SLC22A24: variants seen among roughly 807,000 people sequenced by gnomAD.
SLC22A24 encodes the protein solute carrier family 22 member 24, also known as steroid transmembrane transporter SLC22A24.
A neutral mutation model predicts 49.8 loss-of-function variants in SLC22A24; 53 were observed. The observed-to-expected ratio is 1.06, with a 90% CI of 0.85 to 1.34. The LOEUF is 1.34. SLC22A24 is among the 40% of genes most tolerant of loss of function. SLC22A24 has a pLI of 0.00. For missense variants in SLC22A24, 786 were observed against 675.9 expected (o/e 1.16, Z -1.81); for synonymous variants, 302 against 256.4 (o/e 1.18, Z -1.70).
At chr11:63,110,311 G>T (rs1181347746) in intron 4 of SLC22A24, among the ~76,000 whole-genome samples, 1 of 152,186 alleles carries the variant, frequency 6.6e-6, no homozygotes, top group Non-Finnish European at 1.5e-5. Context: ...TTTTGGCTTA[G>T]GATTTATTTG....
intron 7 of SLC22A24, among the ~76,000 whole-genome samples, chr11:63,082,490 T>A (rs1452184578): frequency 6.6e-6 from 1 of 152,158 alleles, no homozygotes; most frequent in Non-Finnish European, 1.5e-5. Context: ...CTCTGGGAGA[T>A]GAGTGGAATA....
At chr11:63,129,023 T>G (rs928033730) in intron 2 of SLC22A24, among the ~76,000 whole-genome samples, 2 of 152,226 alleles carry the variant, frequency 1.3e-5, no homozygotes, top group African/African-American at 4.8e-5. Flanking sequence ...TGCCATTGTT[T>G]TGGTGTTTTA....
At chr11:63,083,056 G>A (rs2086968357) in intron 7 of SLC22A24, among the ~76,000 whole-genome samples, 187 bp downstream of exon 7, 1 of 143,974 alleles carries the variant, frequency 6.9e-6, no homozygotes, top group East Asian at 1.9e-4. Context: ...GACATTGATT[G>A]AGTAAGAGCC....
In SLC22A24 at chr11:63,143,580, A is replaced by C; in HGVS notation, c.200T>G (p.Leu67Arg). 1 of 1,569,220 alleles carries C rather than the reference A, an allele frequency of 6.4e-7. No homozygotes were observed. The highest frequency in any genetic ancestry group is 8.6e-7 in the Non-Finnish European group (1 of 1,158,902). ...DTVSDNDTGT[L>R]SKDDLLRISI... ...GATTCTCAGGAGGTCATCCTTGCTG[A>C]GGGTCCCGGTATCATTGTCAGACAC... is the stretch of plus-strand genomic sequence containing the variant. The change falls in exon 1 of 10, where the codon CTC becomes CGC. Residue 67 changes from leucine to arginine, a missense_variant. By Grantham distance (102) the Leu-to-Arg change is moderately radical. Coordinates refer to ENST00000612278, the MANE Select transcript of SLC22A24 (RefSeq NM_001136506.2).
chr11:63,121,501 T>G (rs1307652493), intron 2 of SLC22A24, among the ~76,000 whole-genome samples: 2 of 115,932 alleles, frequency 1.7e-5, no homozygotes, highest in African/African-American at 5.8e-5. Context: ...AAACTAGAGG[T>G]AGATCTCAAA....
chr11:63,139,858 C>G (rs899015690), intron 1 of SLC22A24, among the ~76,000 whole-genome samples: 5 of 152,074 alleles, frequency 3.3e-5, no homozygotes, highest in Non-Finnish European at 5.9e-5. Flanking sequence ...AATTAAGAAA[C>G]TGGCAAATGA....
At position 63,094,789 on chromosome 11, in the gene SLC22A24, G is replaced by A. The variant is rs2087042844; in HGVS notation, c.1070+1202C>T. 2.0e-5 allele frequency among the ~76,000 whole-genome samples: 3 copies of A among 152,184 alleles called. 1 individual carries two copies. The highest frequency in any genetic ancestry group is 7.2e-5 in the African/African-American group (3 of 41,432). ...CTGCATAAATGTCTTCTTTTGAGAAGTGTCTGTTCATATCCTTCACCCACT... is the reference window on the plus strand; with the variant it reads ...CTGCATAAATGTCTTCTTTTGAGAAATGTCTGTTCATATCCTTCACCCACT... On this transcript the variant is annotated intron_variant, in intron 6 of 9. Transcript: ENST00000612278.
chr11:63,141,908 T>A (rs940332256), intron 1 of SLC22A24, among the ~76,000 whole-genome samples: 6 of 152,206 alleles, frequency 3.9e-5, no homozygotes, highest in African/African-American at 1.4e-4. Context: ...AGAAAAATTA[T>A]GCTTCAAAAG....
intron 4 of SLC22A24, among the ~76,000 whole-genome samples, chr11:63,110,204 T>G (rs2134657433): frequency 6.6e-6 from 1 of 151,796 alleles, no homozygotes; most frequent in East Asian, 1.9e-4. Context: ...TCCATTGATC[T>G]ATATCTCTGT....
intron 4 of SLC22A24, 198 bp downstream of exon 4, chr11:63,118,714 A>G (rs1490685536): frequency 7.1e-6 from 4 of 562,384 alleles, no homozygotes; most frequent in Non-Finnish European, 1.3e-5. Context: ...GTCTAAAATA[A>G]TGAATGCAAA....
At chr11:63,133,060 C>T (rs554526691) in intron 2 of SLC22A24, among the ~76,000 whole-genome samples, 6 of 152,252 alleles carry the variant, frequency 3.9e-5, no homozygotes, top group East Asian at 3.9e-4. Context: ...TATCGCAGGT[C>T]GATCTCAGAC....
chr11:63,096,082 C>A lies in SLC22A24; in HGVS notation c.979G>T (p.Glu327Ter), dbSNP rs1565325975. ...GTTTTAATTCGGACTGCATCCAACT[C>A]CTTCTTCATGGTGGATCTCACAAGC... Reference protein sequence around the residue: ...TELVRSTMKKELDAVRIKTSI... With the variant: ...TELVRSTMKK The change falls in exon 6 of 10, where the codon GAG (glutamate) becomes TAG (stop). Residue 327 changes from glutamate to a stop codon, truncating the protein, a stop_gained. Transcript: ENST00000612278. LOFTEE classifies it high-confidence loss of function. 1 of 1,550,420 alleles carries A rather than the reference C, an allele frequency of 6.4e-7. No homozygotes were observed. The highest frequency in any genetic ancestry group is 8.7e-7 in the Non-Finnish European group (1 of 1,146,026).
chr11:63,106,048 A>G (rs2087119284), intron 4 of SLC22A24, among the ~76,000 whole-genome samples: 2 of 151,620 alleles, frequency 1.3e-5, no homozygotes, highest in African/African-American at 2.4e-5. Flanking sequence ...GTCATTTAGC[A>G]TTAGGTATAT....
intron 2 of SLC22A24, among the ~76,000 whole-genome samples, chr11:63,130,339 G>T (rs2087324816): frequency 6.6e-6 from 1 of 152,186 alleles, no homozygotes; most frequent in South Asian, 2.1e-4. Flanking sequence ...CTTGATTATG[G>T]TGGATAAGCT....
intron 2 of SLC22A24, among the ~76,000 whole-genome samples, chr11:63,133,337 C>A (rs1424701248): frequency 6.6e-6 from 1 of 152,202 alleles, no homozygotes; most frequent in East Asian, 1.9e-4. Context: ...CCAACCAGTC[C>A]CAATGAGATG....
chr11:63,141,108 A>G (rs560023789), intron 1 of SLC22A24, among the ~76,000 whole-genome samples: 21 of 152,318 alleles, frequency 1.4e-4, no homozygotes, highest in African/African-American at 4.3e-4. Flanking sequence ...TTGATTGAAA[A>G]TTGTAAAGCG....
chr11:63,111,930 A>C (rs9667875), intron 4 of SLC22A24, among the ~76,000 whole-genome samples: 118,641 of 151,282 alleles, frequency 0.78, 47,645 homozygotes, highest in East Asian at 0.9. Flanking sequence ...TAGTTCTTTT[A>C]ATTGTGATGT....
At chr11:63,117,308 G>A (rs1298741822) in intron 4 of SLC22A24, among the ~76,000 whole-genome samples, 4 of 152,128 alleles carry the variant, frequency 2.6e-5, no homozygotes, top group East Asian at 1.9e-4. Flanking sequence ...ATCAGTATTC[G>A]TCATGTGTGG....
Position 63,135,617 on chromosome 11 carries a change from C to T in SLC22A24, c.403-849G>A, listed in dbSNP as rs372957807. ...TAAATAATGTGGTTATGTTATCAGT[C>T]ATTGCAATGGACATTTCTCGCTTTA... is the stretch of plus-strand genomic sequence containing the variant. On this transcript the variant is annotated intron_variant, in intron 1 of 9. Coordinates refer to ENST00000612278, the MANE Select transcript of SLC22A24 (RefSeq NM_001136506.2). Among the ~76,000 whole-genome samples, 67 of 152,294 alleles carry T rather than the reference C, an allele frequency of 4.4e-4. 1 individual carries two copies. The South Asian group carries it at 0.013, about 31-fold the overall frequency.
Sources: gnomAD v4.1 joint callset for allele counts (sites outside exome capture counted in the v4.1 genomes callset) on GRCh38, gnomAD v4.1.1 for gene constraint, MANE v1.5 for transcripts, NCBI Gene and HGNC (gene_info 2026-07-23, HGNC 2026-07-21) for gene names.